MARVELD2: variants seen among roughly 807,000 people sequenced by gnomAD.
The protein encoded by MARVELD2 is MARVEL domain containing 2.
MARVELD2 carries 49 observed loss-of-function variants against 57.6 expected under a neutral mutation model. The observed-to-expected ratio is 0.85, with a 90% confidence interval of 0.68 to 1.08. The LOEUF is 1.08. Among genes scored for constraint, MARVELD2 ranks in the 50% least tolerant of loss-of-function variants. The probability of loss-of-function intolerance (pLI) is 0.00; values close to 1 mark genes in which losing one functional copy is unlikely to be tolerated. For missense variants in MARVELD2, 606 were observed against 701.1 expected (o/e 0.86, Z 1.53); for synonymous variants, 238 against 258.8 (o/e 0.92, Z 0.77).
chr5:69,415,133 C>T lies in MARVELD2; in HGVS notation c.-53C>T, dbSNP rs1318521336. 6.6e-6 allele frequency: 1 copy of T among 152,304 alleles called. No homozygotes were observed. The highest frequency in any genetic ancestry group is 1.9e-4 in the East Asian group (1 of 5,192). The allele number at this position is 152,304 out of a possible 1,614,324, so 9.4% of individuals were successfully genotyped here. On this transcript the variant is annotated 5_prime_UTR_variant, in exon 1 of 7. Coordinates refer to ENST00000325631, the MANE Select transcript of MARVELD2 (RefSeq NM_001038603.3). ...GGGAGCCCGATACCGGTTTCAGAGTCCTGGGCAGCGTGCGCGCTCTTCCTG... is the reference window on the plus strand; with the variant it reads ...GGGAGCCCGATACCGGTTTCAGAGTTCTGGGCAGCGTGCGCGCTCTTCCTG...
chr5:69,425,091 G>T (rs1408269485), intron 3 of MARVELD2, among the ~76,000 whole-genome samples: 3 of 151,036 alleles, frequency 2.0e-5, no homozygotes, highest in Non-Finnish European at 3.0e-5. Context: ...CATGTCCTTT[G>T]TAGGGACATG....
Position 69,420,294 on chromosome 5 carries a change from G to C in MARVELD2, c.909G>C (p.Leu303Phe). Residue 303 changes from leucine to phenylalanine, a missense_variant, in exon 2 of 7, where the codon TTG (leucine) becomes TTC (phenylalanine). By Grantham distance (22) the Leu-to-Phe change is conservative. Coordinates refer to ENST00000325631, the MANE Select transcript of MARVELD2 (RefSeq NM_001038603.3). ...EFGINVALFI[L>F]YMAAAIVYVN... ...GAATTAACGTTGCCTTGTTTATTTT[G>C]TATATGGCCGCAGCCATAGTCTATG... The C allele has an allele frequency of 6.2e-7, 1 of 1,614,112 alleles. No individual in the cohort carries two copies. The highest frequency in any genetic ancestry group is 8.5e-7 in the Non-Finnish European group (1 of 1,180,024).
intron 6 of MARVELD2, 75 bp downstream of exon 6, chr5:69,440,575 GTTAGC>G: frequency 1.1e-6 from 1 of 888,000 alleles, no homozygotes; most frequent in Non-Finnish European, 1.8e-6. Context: ...TCTAGATTCT[GTTAGC>G]TAAAATAGTT....
Position 69,419,867 on chromosome 5 carries a change from C to T in MARVELD2, c.482C>T (p.Ser161Phe), listed in dbSNP as rs1766557937. The T allele has an allele frequency of 6.2e-7, 1 of 1,614,044 alleles. No individual in the cohort carries two copies. The highest frequency in any genetic ancestry group is 1.3e-5 in the African/African-American group (1 of 74,908). Reference sequence around the variant, plus strand: ...GTGTTTCCCCGGGATCCCTATGGATCTCTAGACCGACACACACAAACAGTT... The same window carrying T: ...GTGTTTCCCCGGGATCCCTATGGATTTCTAGACCGACACACACAAACAGTT... ...DAVFPRDPYG[S>F]LDRHTQTVRT... is the part of the protein sequence containing the mutation. The change falls in exon 2 of 7, where the codon TCT becomes TTT. Residue 161 changes from serine (S) to phenylalanine (F), a missense_variant. Transcript: ENST00000325631.
Position 69,419,809 on chromosome 5 carries a change from G to A in MARVELD2, c.424G>A (p.Gly142Arg). 6.2e-7 allele frequency: 1 copy of A among 1,614,204 alleles called. No individual in the cohort carries two copies. The highest frequency in any genetic ancestry group is 8.5e-7 in the Non-Finnish European group (1 of 1,180,046). The stretch of plus-strand genomic sequence containing the variant: ...CAAAGATCCCTACGGAGGGTCAGAA[G>A]GAACCTTTAGTTCCCGGAAAGAGGC... ...SCKDPYGGSEGTFSSRKEADA... is the reference protein window; with the variant it reads ...SCKDPYGGSERTFSSRKEADA... The change falls in exon 2 of 7, where the codon GGA becomes AGA. Residue 142 changes from glycine (G) to arginine (R), a missense_variant. Physicochemically the swap from Gly to Arg is moderately radical, Grantham distance 125. Transcript: ENST00000325631.
At chr5:69,423,607 T>C (rs1766694957) in intron 2 of MARVELD2, among the ~76,000 whole-genome samples, 2 of 152,104 alleles carry the variant, frequency 1.3e-5, no homozygotes, top group Non-Finnish European at 2.9e-5. Context: ...CAAAGGACTT[T>C]GACATGTGTC....
Position 69,419,640 on chromosome 5 carries a change from C to T in MARVELD2, c.255C>T (p.Ser85=). 6.2e-7 allele frequency: 1 copy of T among 1,614,166 alleles called. No homozygotes were observed. Among genetic ancestry groups the T allele is most frequent in the Non-Finnish European group, 8.5e-7 (1 of 1,180,038 alleles). Residue 85 remains serine (S), a synonymous_variant, in exon 2 of 7, where the codon TCC becomes TCT. Coordinates refer to ENST00000325631, the MANE Select transcript of MARVELD2 (RefSeq NM_001038603.3). ...LKPVRRFVPD[S]WKNFFRGKKK... ...CAGTAAGGCGCTTTGTCCCTGACTC[C>T]TGGAAGAACTTTTTCAGAGGGAAGA...
At chr5:69,437,185 T>C in intron 5 of MARVELD2, among the ~76,000 whole-genome samples, 1 of 45,558 alleles carries the variant, frequency 2.2e-5, no homozygotes. Flanking sequence ...CAAGACTTCA[T>C]CTCAAAAAAA....
chr5:69,432,676 G>A lies in MARVELD2; in HGVS notation c.1331+1G>A, dbSNP rs762352115. The A allele has an allele frequency of 1.1e-5, 17 of 1,613,864 alleles. No homozygotes were observed. Among genetic ancestry groups the A allele is most frequent in the Admixed American group, 1.7e-5 (1 of 59,968 alleles). Reference sequence around the variant, plus strand: ...CTATCGTGATGCCCGACTATGTGGCGTGAGTGTCAGTCTGAATTCTTCCTC... The same window carrying A: ...CTATCGTGATGCCCGACTATGTGGCATGAGTGTCAGTCTGAATTCTTCCTC... On this transcript the variant is annotated splice_donor_variant, in intron 4 of 6. Coordinates refer to ENST00000325631, the MANE Select transcript of MARVELD2 (RefSeq NM_001038603.3). LOFTEE classifies it high-confidence loss of function.
intron 2 of MARVELD2, among the ~76,000 whole-genome samples, chr5:69,423,634 C>A (rs28528988): frequency 0.99 from 150,638 of 152,006 alleles, 74,640 homozygotes; most frequent in East Asian, 1. Context: ...ATCTCTCTCT[C>A]TATATATTTT....
In MARVELD2 at chr5:69,420,304, G is replaced by T. The variant is rs779068129; in HGVS notation, c.919G>T (p.Ala307Ser). Reference sequence around the variant, plus strand: ...TGCCTTGTTTATTTTGTATATGGCCGCAGCCATAGTCTATGTGAATGATAC... The same window carrying T: ...TGCCTTGTTTATTTTGTATATGGCCTCAGCCATAGTCTATGTGAATGATAC... The part of the protein sequence containing the change: ...NVALFILYMA[A>S]AIVYVNDTNR... Residue 307 changes from alanine (A) to serine (S), a missense_variant, in exon 2 of 7, where the codon GCA becomes TCA. Transcript: ENST00000325631. 5 of 1,614,002 alleles carry T rather than the reference G, an allele frequency of 3.1e-6. No homozygotes were observed. The South Asian group carries it at 4.4e-5, about 14-fold the overall frequency.
In MARVELD2 at chr5:69,432,616, G is replaced by A. The variant is rs1487718754; in HGVS notation, c.1272G>A (p.Leu424=). 1 of 1,614,154 alleles carries A rather than the reference G, an allele frequency of 6.2e-7. No individual in the cohort carries two copies. Among genetic ancestry groups the A allele is most frequent in the Non-Finnish European group, 8.5e-7 (1 of 1,180,034 alleles). ...LRTAKMKPEL[L]SGHIPPGHIP... ...CAGCAAAAATGAAACCTGAACTACT[G>A]AGTGGACACATCCCCCCAGGCCACA... Residue 424 remains leucine, a synonymous_variant, in exon 4 of 7, where the codon CTG becomes CTA. Coordinates refer to ENST00000325631, the MANE Select transcript of MARVELD2 (RefSeq NM_001038603.3).
chr5:69,419,784 C>G lies in MARVELD2; in HGVS notation c.399C>G (p.Cys133Trp). 4 of 1,614,206 alleles carry G rather than the reference C, an allele frequency of 2.5e-6. No individual in the cohort carries two copies. The Admixed American group carries it at 5.0e-5, about 20-fold the overall frequency. ...ACCACCGTTCGCCCCTCAACTCCTG[C>G]AAAGATCCCTACGGAGGGTCAGAAG... ...RPNHRSPLNS[C>W]KDPYGGSEGT... The change falls in exon 2 of 7, where the codon TGC (cysteine) becomes TGG (tryptophan). Residue 133 changes from cysteine to tryptophan, a missense_variant. Coordinates refer to ENST00000325631, the MANE Select transcript of MARVELD2 (RefSeq NM_001038603.3).
At chr5:69,439,020 A>C (rs1272368155) in intron 5 of MARVELD2, among the ~76,000 whole-genome samples, 2 of 148,770 alleles carry the variant, frequency 1.3e-5, no homozygotes, top group Admixed American at 6.8e-5. Flanking sequence ...GAGCTATTAC[A>C]CCACTGCCTT....
intron 6 of MARVELD2, among the ~76,000 whole-genome samples, chr5:69,440,941 G>T (rs1310639434): frequency 6.6e-6 from 1 of 152,048 alleles, no homozygotes; most frequent in Non-Finnish European, 1.5e-5. Context: ...AGCATTAGCC[G>T]GTAGTGGTGG....
chr5:69,442,826 CTTT>C lies in MARVELD2; in HGVS notation c.*1188_*1190del, dbSNP rs11361474. The C allele has an allele frequency of 3.2e-5, 4 of 126,134 alleles. No individual in the cohort carries two copies. The highest frequency in any genetic ancestry group is 1.6e-5 in the Non-Finnish European group (1 of 60,756). The allele number at this position is 126,134 out of a possible 1,614,324, so 7.8% of individuals were successfully genotyped here. A position where few individuals can be genotyped will look rare whatever the true frequency, so the allele number is the denominator to read the frequency against. On this transcript the variant is annotated 3_prime_UTR_variant, in exon 7 of 7. Transcript: ENST00000325631. ...ACATTGAATTGTATGAATGGTATTG[CTTT>C]TTTTTTTTTTTTTTTGTGAGACAGA...
chr5:69,435,048 A>G (rs1341579085), intron 5 of MARVELD2, among the ~76,000 whole-genome samples: 3 of 115,690 alleles, frequency 2.6e-5, no homozygotes, highest in East Asian at 2.5e-4. Context: ...TTTGAGATGG[A>G]GTCTTGCTCT....
Position 69,433,080 on chromosome 5 carries a change from C to G in MARVELD2, c.1490C>G (p.Ser497Trp). ...GTGATGAGCAGATTGCCACATCATT[C>G]GGAAAGCCGACAGGTTAGTATGTGC... Reference protein sequence around the residue: ...DAVMSRLPHHSESRQEHERIS... With the variant: ...DAVMSRLPHHWESRQEHERIS... Residue 497 changes from serine (S) to tryptophan (W), a missense_variant, in exon 5 of 7, where the codon TCG becomes TGG. By Grantham distance (177) the Ser-to-Trp change is radical (BLOSUM62 -3). Coordinates refer to ENST00000325631, the MANE Select transcript of MARVELD2 (RefSeq NM_001038603.3). 1 of 1,604,608 alleles carries G rather than the reference C, an allele frequency of 6.2e-7. No homozygotes were observed. Among genetic ancestry groups the G allele is most frequent in the Non-Finnish European group, 8.5e-7 (1 of 1,174,750 alleles).
chr5:69,436,928 G>A (rs1477838663), intron 5 of MARVELD2, among the ~76,000 whole-genome samples: 1 of 152,030 alleles, frequency 6.6e-6, no homozygotes, highest in African/African-American at 2.4e-5. Context: ...TTCCAGACCA[G>A]CCTGACCAAC....
Sources: gnomAD v4.1 joint callset for allele counts (sites outside exome capture counted in the v4.1 genomes callset) on GRCh38, gnomAD v4.1.1 for gene constraint, MANE v1.5 for transcripts, NCBI Gene and HGNC (gene_info 2026-07-23, HGNC 2026-07-21) for gene names.